RAD51B: variants seen among roughly 807,000 people sequenced by gnomAD.
RAD51B encodes RAD51 paralog B, also known as DNA repair protein RAD51 homolog 2.
In RAD51B, 38 loss-of-function variants were observed where a neutral mutation model predicts 42.2. The ratio of observed to expected loss-of-function variants is 0.90; its 90% confidence interval spans 0.70 to 1.18. RAD51B has a LOEUF of 1.18. Among genes scored for constraint, RAD51B ranks in the 50% most tolerant of loss-of-function variants. The probability of loss-of-function intolerance (pLI) is 0.00; values close to 1 mark genes in which losing one functional copy is unlikely to be tolerated. For missense variants in RAD51B, 373 were observed against 400.7 expected (o/e 0.93, Z 0.59); for synonymous variants, 154 against 145.2 (o/e 1.06, Z -0.43).
At chr14:67,887,934 A>T (rs73280477) in intron 7 of RAD51B, among the ~76,000 whole-genome samples, 2,227 of 152,308 alleles carry the variant, frequency 0.015, 59 homozygotes, top group African/African-American at 0.05. Context: ...CAGCCTCATC[A>T]ACATTCAGGC....
At chr14:68,451,251 A>T (rs2085550978) in intron 9 of RAD51B, among the ~76,000 whole-genome samples, 1 of 152,140 alleles carries the variant, frequency 6.6e-6, no homozygotes, top group Non-Finnish European at 1.5e-5. Flanking sequence ...TCTTTCTGAG[A>T]TCCTTCTGGT....
intron 7 of RAD51B, among the ~76,000 whole-genome samples, chr14:68,092,448 T>G (rs1366305529): frequency 6.6e-6 from 1 of 152,166 alleles, no homozygotes. Context: ...GGTATTTTAT[T>G]CTCTTTGAAG....
At chr14:67,861,869 G>A (rs2042175120) in intron 4 of RAD51B, among the ~76,000 whole-genome samples, 1 of 151,820 alleles carries the variant, frequency 6.6e-6, no homozygotes, top group Non-Finnish European at 1.5e-5. Flanking sequence ...GATTTTTGTT[G>A]TCAAAGATAT....
downstream of RAD51B, among the ~76,000 whole-genome samples, chr14:68,478,542 T>C (rs777839333): frequency 2.0e-5 from 3 of 152,256 alleles, no homozygotes; most frequent in South Asian, 2.1e-4. Flanking sequence ...GAGGCTCTGA[T>C]TGAAGCATCA....
Position 68,252,834 on chromosome 14 carries a change from G to A in RAD51B, c.757-39050G>A, listed in dbSNP as rs1192910130. 3.3e-5 allele frequency among the ~76,000 whole-genome samples: 5 copies of A among 151,962 alleles called. No homozygotes were observed. In the South Asian group the frequency reaches 8.3e-4, roughly 25 times the overall value. ...GGTGACTCACTCCTGTAATCCTAGC[G>A]CTTTGGGAGGCCAAGGCAGGCAGAT... is the stretch of plus-strand genomic sequence containing the variant. On this transcript the variant is annotated intron_variant, in intron 7 of 10. Coordinates refer to ENST00000471583, the MANE Select transcript of RAD51B (RefSeq NM_133510.4).
intron 10 of RAD51B, among the ~76,000 whole-genome samples, chr14:68,606,890 A>T (rs1891468524): frequency 6.6e-6 from 1 of 152,202 alleles, no homozygotes; most frequent in Non-Finnish European, 1.5e-5. Flanking sequence ...CCTACGCATA[A>T]GATGATGATA....
intron 7 of RAD51B, among the ~76,000 whole-genome samples, chr14:68,184,165 C>T (rs943022694): frequency 1.4e-4 from 22 of 151,762 alleles, no homozygotes; most frequent in Admixed American, 1.1e-3. Flanking sequence ...GTGGCATGCT[C>T]CCAGCTACTT....
chr14:68,249,637 C>G (rs897866281), intron 7 of RAD51B, among the ~76,000 whole-genome samples: 1 of 152,120 alleles, frequency 6.6e-6, no homozygotes, highest in Admixed American at 6.5e-5. Flanking sequence ...TACATCACAC[C>G]CTCACCACTT....
intron 7 of RAD51B, among the ~76,000 whole-genome samples, chr14:68,049,751 G>C (rs1447554685): frequency 6.6e-6 from 1 of 152,138 alleles, no homozygotes; most frequent in Non-Finnish European, 1.5e-5. Context: ...CCTTTTTGAT[G>C]CATCCTTTGC....
At chr14:68,371,787 G>T (rs2083271089) in intron 8 of RAD51B, among the ~76,000 whole-genome samples, 1 of 152,246 alleles carries the variant, frequency 6.6e-6, no homozygotes, top group Admixed American at 6.5e-5. Flanking sequence ...GAAGGCCAAG[G>T]CTACAGTGAG....
chr14:68,468,822 G>A (rs1189065126), intron 10 of RAD51B, among the ~76,000 whole-genome samples: 2 of 152,320 alleles, frequency 1.3e-5, no homozygotes, highest in Non-Finnish European at 2.9e-5. Context: ...GACTTAGAAG[G>A]AGCTGAGTTC....
chr14:67,928,744 A>C (rs1055399425), intron 7 of RAD51B, among the ~76,000 whole-genome samples: 1 of 152,024 alleles, frequency 6.6e-6, no homozygotes. Context: ...TTTCTGTTAG[A>C]AAAGAAATGG....
At chr14:68,458,459 T>A (rs1283301679) in intron 9 of RAD51B, among the ~76,000 whole-genome samples, 1 of 152,136 alleles carries the variant, frequency 6.6e-6, no homozygotes, top group Non-Finnish European at 1.5e-5. Flanking sequence ...TCAGAAAAAA[T>A]TAATATTTTC....
chr14:68,432,205 T>C (rs1273333685), intron 9 of RAD51B, among the ~76,000 whole-genome samples: 2 of 152,210 alleles, frequency 1.3e-5, no homozygotes, highest in Non-Finnish European at 2.9e-5. Context: ...TATGATGTGG[T>C]GCTAAGAAGA....
At chr14:68,294,350 A>G (rs188247156) in intron 8 of RAD51B, among the ~76,000 whole-genome samples, 3 of 152,260 alleles carry the variant, frequency 2.0e-5, no homozygotes, top group Admixed American at 2.0e-4. Flanking sequence ...ATATATTCCT[A>G]TAGTCTATAA....
At chr14:68,556,403 C>A (rs1888849131) in intron 10 of RAD51B, among the ~76,000 whole-genome samples, 1 of 152,212 alleles carries the variant, frequency 6.6e-6, no homozygotes. Flanking sequence ...CCTCAGCATG[C>A]CCTTCCTCCC....
rs867530891 is a variant in RAD51B, at chr14:67,823,566, G to A, written c.23G>A (p.Arg8Gln). The change falls in exon 2 of 11, where the codon CGA (arginine) becomes CAA (glutamine). Residue 8 changes from arginine to glutamine, a missense_variant. Physicochemically the swap from Arg to Gln is conservative, Grantham distance 43. Transcript: ENST00000471583. ...GGCATGGGTAGCAAGAAACTAAAAC[G>A]AGTGGGTTTATCACAAGAGCTGTGT... is the stretch of plus-strand genomic sequence containing the variant. MGSKKLK[R>Q]VGLSQELCDR... 3.1e-6 allele frequency: 5 copies of A among 1,613,648 alleles called. No homozygotes were observed. Among genetic ancestry groups the A allele is most frequent in the Middle Eastern group, 3.3e-4 (2 of 6,060 alleles).
intron 10 of RAD51B, chr14:68,561,902 A>G (rs1889170999): frequency 1.1e-6 from 1 of 945,032 alleles, no homozygotes; most frequent in Admixed American, 6.2e-5. Flanking sequence ...TTCCATGCAG[A>G]GGGCGAGTGG....
intron 7 of RAD51B, among the ~76,000 whole-genome samples, chr14:68,252,009 A>T (rs2141022084): frequency 6.6e-6 from 1 of 152,338 alleles, no homozygotes; most frequent in East Asian, 1.9e-4. Context: ...ATTGAGATTT[A>T]AGAGGAATGT....
Sources: allele counts gnomAD v4.1 joint callset (sites outside exome capture counted in the v4.1 genomes callset), GRCh38; gene constraint gnomAD v4.1.1; transcripts MANE v1.5; gene names NCBI Gene and HGNC (gene_info 2026-07-23, HGNC 2026-07-21).